The following PTPRD variants were observed in gnomAD, a reference collection of about 807,000 sequenced individuals.
PTPRD encodes the protein protein tyrosine phosphatase receptor type D.
In PTPRD, 34 loss-of-function variants were observed where a neutral mutation model predicts 214.5. The observed-to-expected ratio is 0.16, with a 90% CI of 0.12 to 0.21. PTPRD has a LOEUF of 0.21. Ranked by LOEUF, PTPRD falls within the 10% of genes least tolerant of loss-of-function variation. The pLI, the probability that PTPRD is intolerant of heterozygous loss-of-function variation, is 1.00. For missense variants in PTPRD, 2,545 were observed against 2,398.7 expected, an observed-to-expected ratio of 1.06 and a Z score of -1.27; for synonymous variants, 1,128 against 845.7, an observed-to-expected ratio of 1.33 and a Z score of -5.79.
intron 3 of PTPRD, among the ~76,000 whole-genome samples, chr9:10,199,269 A>G (rs1289741982): frequency 6.6e-6 from 1 of 152,118 alleles, no homozygotes; most frequent in Admixed American, 6.6e-5. Flanking sequence ...CTTAGTGTAT[A>G]GTTAGTTCTT....
chr9:9,855,947 C>T (rs2061476818), intron 5 of PTPRD, among the ~76,000 whole-genome samples: 1 of 152,198 alleles, frequency 6.6e-6, no homozygotes, highest in Non-Finnish European at 1.5e-5. Flanking sequence ...AGTGTGACAG[C>T]ATCCTGTATC....
intron 10 of PTPRD, among the ~76,000 whole-genome samples, chr9:9,146,897 T>G (rs1192023483): frequency 6.6e-6 from 1 of 152,062 alleles, no homozygotes; most frequent in South Asian, 2.1e-4. Context: ...AGAACAACAA[T>G]AACTAAACAC....
intron 10 of PTPRD, among the ~76,000 whole-genome samples, chr9:9,084,293 A>C (rs55844818): frequency 0.021 from 3,162 of 152,248 alleles, 106 homozygotes; most frequent in African/African-American, 0.072. Context: ...TCAGCAAACT[A>C]ATACAGGAAC....
intron 2 of PTPRD, among the ~76,000 whole-genome samples, chr9:10,509,808 T>A (rs2047394559): frequency 6.6e-6 from 1 of 151,640 alleles, no homozygotes; most frequent in Admixed American, 6.6e-5. Flanking sequence ...TATTAGGATA[T>A]GGAGCTAAGA....
chr9:9,413,890 A>T (rs1465344048), intron 8 of PTPRD, among the ~76,000 whole-genome samples: 3 of 152,236 alleles, frequency 2.0e-5, no homozygotes, highest in African/African-American at 7.2e-5. Flanking sequence ...TGCCCTTTAC[A>T]TGTAATACAT....
At chr9:9,126,878 C>G (rs1176758577) in intron 10 of PTPRD, among the ~76,000 whole-genome samples, 1 of 152,134 alleles carries the variant, frequency 6.6e-6, no homozygotes, top group Non-Finnish European at 1.5e-5. Flanking sequence ...ACTCTTTAAC[C>G]CATTTATTCC....
intron 4 of PTPRD, among the ~76,000 whole-genome samples, chr9:9,976,263 C>T (rs1273323743): frequency 6.6e-6 from 1 of 152,128 alleles, no homozygotes; most frequent in Non-Finnish European, 1.5e-5. Context: ...AGAAACTTAA[C>T]TCCCAGCCAT....
intron 9 of PTPRD, among the ~76,000 whole-genome samples, chr9:9,192,414 A>T (rs1215717208): frequency 6.6e-6 from 1 of 152,132 alleles, no homozygotes; most frequent in Non-Finnish European, 1.5e-5. Flanking sequence ...GAAAACAGGT[A>T]TCCTAGTGAT....
At chr9:9,218,977 G>A (rs976445950) in intron 9 of PTPRD, among the ~76,000 whole-genome samples, 4 of 151,994 alleles carry the variant, frequency 2.6e-5, no homozygotes, top group Admixed American at 6.6e-5. Flanking sequence ...AAAATAAAAA[G>A]CATAAGCATC....
intron 5 of PTPRD, among the ~76,000 whole-genome samples, chr9:9,931,591 C>A (rs184777889): frequency 6.6e-6 from 1 of 151,946 alleles, no homozygotes; most frequent in Admixed American, 6.6e-5. Flanking sequence ...CACGGAGTCT[C>A]GCTGATTGCT....
At chr9:9,332,602 G>C (rs1196838093) in intron 9 of PTPRD, among the ~76,000 whole-genome samples, 1 of 150,552 alleles carries the variant, frequency 6.6e-6, no homozygotes, top group African/African-American at 2.4e-5. Context: ...CCTCTATACT[G>C]AGCTTGGGAG....
intron 3 of PTPRD, among the ~76,000 whole-genome samples, chr9:10,121,906 T>G (rs2098778716): frequency 6.6e-6 from 1 of 152,206 alleles, no homozygotes; most frequent in African/African-American, 2.4e-5. Flanking sequence ...GACTACAATT[T>G]CACCTCCTTC....
chr9:9,073,231 GT>G (rs890670178), intron 10 of PTPRD, among the ~76,000 whole-genome samples: 3 of 152,162 alleles, frequency 2.0e-5, no homozygotes, highest in African/African-American at 7.2e-5. Context: ...TACAAGCACT[GT>G]GCAAGGCATT....
intron 12 of PTPRD, among the ~76,000 whole-genome samples, chr9:8,716,323 A>G (rs1357742616): frequency 1.3e-5 from 2 of 152,212 alleles, no homozygotes; most frequent in Non-Finnish European, 2.9e-5. Flanking sequence ...AGAAGTATCT[A>G]TGTAATTGTG....
chr9:8,704,550 A>G (rs952431398), intron 12 of PTPRD, among the ~76,000 whole-genome samples: 3 of 152,172 alleles, frequency 2.0e-5, no homozygotes, highest in Non-Finnish European at 4.4e-5. Flanking sequence ...CAGGGGATGC[A>G]TTAAAGGTTA....
At chr9:9,154,764 C>A (rs543663738) in intron 10 of PTPRD, among the ~76,000 whole-genome samples, 1 of 152,190 alleles carries the variant, frequency 6.6e-6, no homozygotes, top group Admixed American at 6.5e-5. Flanking sequence ...AGAGTGTAAT[C>A]TGGTGTAGGC....
At chr9:8,810,247 T>C (rs988816284) in intron 11 of PTPRD, among the ~76,000 whole-genome samples, 4 of 152,200 alleles carry the variant, frequency 2.6e-5, no homozygotes, top group African/African-American at 7.2e-5. Flanking sequence ...AGGTAGACTA[T>C]TGCACACAAA....
chr9:9,067,054 C>T (rs2099735717), intron 10 of PTPRD, among the ~76,000 whole-genome samples: 1 of 152,124 alleles, frequency 6.6e-6, no homozygotes, highest in African/African-American at 2.4e-5. Flanking sequence ...ACCAGCCTGA[C>T]CAACATGGCA....
chr9:8,945,565 T>G (rs2154298328), intron 11 of PTPRD, among the ~76,000 whole-genome samples: 1 of 152,168 alleles, frequency 6.6e-6, no homozygotes, highest in South Asian at 2.1e-4. Context: ...TTTATGATAC[T>G]CTCTTGAAAA....
Sources: allele counts gnomAD v4.1 joint callset (sites outside exome capture counted in the v4.1 genomes callset), GRCh38; gene constraint gnomAD v4.1.1; transcripts MANE v1.5; gene names NCBI Gene and HGNC (gene_info 2026-07-23, HGNC 2026-07-21).